The following PIGY variants were observed in gnomAD, a reference collection of about 807,000 sequenced individuals.
The protein encoded by PIGY is phosphatidylinositol N-acetylglucosaminyltransferase subunit Y.
A neutral mutation model predicts 4.1 loss-of-function variants in PIGY; 3 were observed. The ratio of observed to expected loss-of-function variants is 0.73; its 90% CI spans 0.33 to 1.89. The LOEUF (loss-of-function observed/expected upper bound fraction) is 1.89, where lower values mean the gene tolerates loss of function less well. PIGY is among the 40% of genes most tolerant of loss of function. The pLI is 0.08. For synonymous variants in PIGY, 33 were observed against 31.4 expected (o/e 1.05, Z -0.18); for missense variants, 78 against 80.3 (o/e 0.97, Z 0.11).
Position 88,521,982 on chromosome 4 carries a change from G to C in PIGY, c.-193C>G, listed in dbSNP as rs1179904665. On this transcript the variant is annotated 5_prime_UTR_variant, in exon 2 of 2. Transcript: ENST00000527353. Reference sequence around the variant, plus strand: ...AGGGATCCCATCAATGATTGGATAAGCTATTCCCAACTCTTCATTAATCAA... The same window carrying C: ...AGGGATCCCATCAATGATTGGATAACCTATTCCCAACTCTTCATTAATCAA... 12 of 1,550,832 alleles carry C rather than the reference G, an allele frequency of 7.7e-6. No individual in the cohort carries two copies. The highest frequency in any genetic ancestry group is 4.9e-5 in the East Asian group (2 of 40,914).
chr4:88,522,700 T>C (rs1411283541), intron 1 of PIGY, among the ~76,000 whole-genome samples: 1 of 152,210 alleles, frequency 6.6e-6, no homozygotes, highest in Non-Finnish European at 1.5e-5. Context: ...GTTAGTGTTG[T>C]CAATATTCAA....
intron 1 of PIGY, among the ~76,000 whole-genome samples, 182 bp downstream of exon 1, chr4:88,523,316 C>G (rs1368581103): frequency 3.3e-5 from 5 of 152,182 alleles, no homozygotes; most frequent in Non-Finnish European, 7.3e-5. Flanking sequence ...ACGCAGCTCC[C>G]CTGGCCTCCG....
Position 88,523,527 on chromosome 4 carries a change from C to A in PIGY, c.-270G>T. On this transcript the variant is annotated 5_prime_UTR_variant, in exon 1 of 2. Transcript: ENST00000527353. ...GCGGCTTCTTGGAGAGCGGGCACACCAGGAACTCCAGCAGCGCCGGATCGA... is the reference window on the plus strand; with the variant it reads ...GCGGCTTCTTGGAGAGCGGGCACACAAGGAACTCCAGCAGCGCCGGATCGA... 1.3e-6 allele frequency: 2 copies of A among 1,551,288 alleles called. No individual in the cohort carries two copies. Among genetic ancestry groups the A allele is most frequent in the Non-Finnish European group, 1.7e-6 (2 of 1,146,874 alleles).
In PIGY at chr4:88,521,878, A is replaced by C; in HGVS notation, c.-89T>G. ...GCTGTTGCGTTTTTTTAATTTTTTTAAATTATGAACTAGCGCTGCTCCACT... is the reference window on the plus strand; with the variant it reads ...GCTGTTGCGTTTTTTTAATTTTTTTCAATTATGAACTAGCGCTGCTCCACT... On this transcript the variant is annotated 5_prime_UTR_variant, in exon 2 of 2. Coordinates refer to ENST00000527353, the MANE Select transcript of PIGY (RefSeq NM_001042616.3). 6.5e-7 allele frequency: 1 copy of C among 1,540,308 alleles called. No individual in the cohort carries two copies. Among genetic ancestry groups the C allele is most frequent in the Non-Finnish European group, 8.7e-7 (1 of 1,144,110 alleles).
rs1211513688 is a variant in PIGY at position 88,521,645 on chromosome 4, T to C, written c.145A>G (p.Ile49Val). The C allele has an allele frequency of 1.2e-5, 19 of 1,613,880 alleles. No individual in the cohort carries two copies. The highest frequency in any genetic ancestry group is 3.3e-5 in the Admixed American group (2 of 60,008). ...AAGAATACATACACTGGTATGGTAA[T>C]AGGCAAGAGCAGGCTGTAAAAGCAA... ...SLCFYSLLLP[I>V]TIPVYVFFHL... The change falls in exon 2 of 2, where the codon ATT (isoleucine) becomes GTT (valine). Residue 49 changes from isoleucine (I) to valine (V), a missense_variant. Physicochemically the swap from Ile to Val is conservative, Grantham distance 29 (BLOSUM62 3). Transcript: ENST00000527353.
Position 88,521,752 on chromosome 4 carries a change from G to A in PIGY, c.38C>T (p.Pro13Leu), listed in dbSNP as rs1161005660. 6.2e-7 allele frequency: 1 copy of A among 1,613,562 alleles called. No individual in the cohort carries two copies. Reference sequence around the variant, plus strand: ...GAACAGTCCTGCTAAAGAAACCAGTGGAATAAGAACAGTCAACGTAGGAAG... The same window carrying A: ...GAACAGTCCTGCTAAAGAAACCAGTAGAATAAGAACAGTCAACGTAGGAAG... ...LSLPTLTVLIPLVSLAGLFYS... is the reference protein window; with the variant it reads ...LSLPTLTVLILLVSLAGLFYS... Residue 13 changes from proline (P) to leucine (L), a missense_variant, in exon 2 of 2, where the codon CCA becomes CTA. By Grantham distance (98) the Pro-to-Leu change is moderately conservative. Transcript: ENST00000527353.
In PIGY at chr4:88,521,551, A is replaced by G. The variant is rs1316083248; in HGVS notation, c.*23T>C. ...TGCCCAAGAGCTATCATTAATATATACAGCATATTGACTCTAGTTGCATCA... is the reference window on the plus strand; with the variant it reads ...TGCCCAAGAGCTATCATTAATATATGCAGCATATTGACTCTAGTTGCATCA... On this transcript the variant is annotated 3_prime_UTR_variant, in exon 2 of 2. Transcript: ENST00000527353. 1 of 1,557,844 alleles carries G rather than the reference A, an allele frequency of 6.4e-7. No homozygotes were observed.
Position 88,523,499 on chromosome 4 carries a change from T to C in PIGY, c.-242A>G. The stretch of plus-strand genomic sequence containing the variant: ...GAAGGGCCAAGGCCAGCGAGTTACC[T>C]GAGCGGCTTCTTGGAGAGCGGGCAC... On this transcript the variant is annotated splice_region_variant and 5_prime_UTR_variant, in exon 1 of 2. Transcript: ENST00000527353. The C allele has an allele frequency of 6.4e-7, 1 of 1,551,118 alleles. No homozygotes were observed. Among genetic ancestry groups the C allele is most frequent in the Non-Finnish European group, 8.7e-7 (1 of 1,146,830 alleles).
In PIGY at chr4:88,521,578, T is replaced by C; in HGVS notation, c.212A>G (p.Asn71Ser). ...TWMGIKLFRH[N>S] ...AGCATATTGACTCTAGTTGCATCAATTATGCCTGAAGAGTTTAATACCCAT... is the reference window on the plus strand; with the variant it reads ...AGCATATTGACTCTAGTTGCATCAACTATGCCTGAAGAGTTTAATACCCAT... Residue 71 changes from asparagine (N) to serine (S), a missense_variant, in exon 2 of 2, where the codon AAT becomes AGT. Transcript: ENST00000527353. 6.2e-7 allele frequency: 1 copy of C among 1,601,562 alleles called. No homozygotes were observed. The highest frequency in any genetic ancestry group is 8.6e-7 in the Non-Finnish European group (1 of 1,168,520).
chr4:88,521,815 A>C lies in PIGY; in HGVS notation c.-26T>G. 1.3e-6 allele frequency: 2 copies of C among 1,597,570 alleles called. No individual in the cohort carries two copies. The highest frequency in any genetic ancestry group is 1.7e-6 in the Non-Finnish European group (2 of 1,171,232). On this transcript the variant is annotated 5_prime_UTR_variant, in exon 2 of 2. Transcript: ENST00000527353. The stretch of plus-strand genomic sequence containing the variant: ...TCTTCTCTTCCACTTATTACCTGCC[A>C]CTGTGTTTTAAAAGGTATATGGTAT...
intron 1 of PIGY, among the ~76,000 whole-genome samples, chr4:88,522,915 G>C (rs1237754546): frequency 6.6e-6 from 1 of 152,124 alleles, no homozygotes; most frequent in Non-Finnish European, 1.5e-5. Flanking sequence ...CTTAAAAACC[G>C]GAAGGCTTCG....
chr4:88,522,872 T>A (rs1249297956), intron 1 of PIGY, among the ~76,000 whole-genome samples: 1 of 152,226 alleles, frequency 6.6e-6, no homozygotes, highest in East Asian at 1.9e-4. Flanking sequence ...CACAAGAATC[T>A]GGAGGGTACA....
rs752613821 is a variant in PIGY, at chr4:88,523,739, C to A, written c.-482G>T. The A allele has an allele frequency of 4.5e-4, 630 of 1,399,368 alleles. No homozygotes were observed. The highest frequency in any genetic ancestry group is 5.5e-4 in the Non-Finnish European group (598 of 1,083,674). The allele number at this position is 1,399,368 out of a possible 1,614,324, so 86.7% of individuals were successfully genotyped here. On this transcript the variant is annotated 5_prime_UTR_variant, in exon 1 of 2. Coordinates refer to ENST00000527353, the MANE Select transcript of PIGY (RefSeq NM_001042616.3). ...GAGACCAGGCCTCACCGCAGCCTCG[C>A]CACCCGTGGCCGAGCTCCCGGCTTC...
At position 88,523,549 on chromosome 4, in the gene PIGY, T is replaced by C. The variant is rs1478745082; in HGVS notation, c.-292A>G. ...CACCAGGAACTCCAGCAGCGCCGGATCGAAGTCGCGGGGCGGCTCCTCAGT... is the reference window on the plus strand; with the variant it reads ...CACCAGGAACTCCAGCAGCGCCGGACCGAAGTCGCGGGGCGGCTCCTCAGT... On this transcript the variant is annotated 5_prime_UTR_variant, in exon 1 of 2. Coordinates refer to ENST00000527353, the MANE Select transcript of PIGY (RefSeq NM_001042616.3). The C allele has an allele frequency of 1.3e-6, 2 of 1,550,890 alleles. No individual in the cohort carries two copies. The highest frequency in any genetic ancestry group is 1.7e-6 in the Non-Finnish European group (2 of 1,146,868).
At position 88,523,575 on chromosome 4, in the gene PIGY, C is replaced by T. The variant is rs1238508436; in HGVS notation, c.-318G>A. On this transcript the variant is annotated 5_prime_UTR_variant, in exon 1 of 2. Transcript: ENST00000527353. Reference sequence around the variant, plus strand: ...CGAAGTCGCGGGGCGGCTCCTCAGTCTTCTTGCCCCGGTCGGCCAAAGGCC... The same window carrying T: ...CGAAGTCGCGGGGCGGCTCCTCAGTTTTCTTGCCCCGGTCGGCCAAAGGCC... The T allele has an allele frequency of 9.0e-6, 14 of 1,550,432 alleles. No individual in the cohort carries two copies. The highest frequency in any genetic ancestry group is 1.0e-5 in the Non-Finnish European group (12 of 1,146,856).
intron 1 of PIGY, among the ~76,000 whole-genome samples, chr4:88,523,076 G>A (rs1742430818): frequency 6.6e-6 from 1 of 151,800 alleles, no homozygotes; most frequent in African/African-American, 2.4e-5. Flanking sequence ...GGCCAGTCTG[G>A]GCAACGTAGG....
rs1165308890 is a variant in PIGY at position 88,522,049 on chromosome 4, A to G, written c.-240-20T>C. 6.6e-7 allele frequency: 1 copy of G among 1,519,670 alleles called. No homozygotes were observed. Among genetic ancestry groups the G allele is most frequent in the Non-Finnish European group, 8.8e-7 (1 of 1,134,566 alleles). The allele number at this position is 1,519,670 out of a possible 1,614,324, so 94.1% of individuals were successfully genotyped here. On this transcript the variant is annotated intron_variant, in intron 1 of 1. Transcript: ENST00000527353. ...TCATATCTGAGGTGGAAAAAAAAAG[A>G]ACAAAATGAGTTGTGGGAAAATAAA... is the stretch of plus-strand genomic sequence containing the variant.
rs1287950230 is a variant in PIGY, at chr4:88,521,715, A to G, written c.75T>C (p.Ser25=). ...VSLAGLFYSA[S]VEENFPQGCT... Reference sequence around the variant, plus strand: ...AGCCCTGTGGGAAGTTTTCTTCCACAGAGGCTGAGTAGAACAGTCCTGCTA... The same window carrying G: ...AGCCCTGTGGGAAGTTTTCTTCCACGGAGGCTGAGTAGAACAGTCCTGCTA... Residue 25 remains serine (S), a synonymous_variant, in exon 2 of 2, where the codon TCT becomes TCC. Coordinates refer to ENST00000527353, the MANE Select transcript of PIGY (RefSeq NM_001042616.3). 1 of 1,613,996 alleles carries G rather than the reference A, an allele frequency of 6.2e-7. No individual in the cohort carries two copies. The highest frequency in any genetic ancestry group is 2.2e-5 in the East Asian group (1 of 44,884).
chr4:88,522,766 T>C (rs559783351), intron 1 of PIGY, among the ~76,000 whole-genome samples: 1 of 152,292 alleles, frequency 6.6e-6, no homozygotes, highest in East Asian at 1.9e-4. Flanking sequence ...TAAAGAGGCT[T>C]CTACGAAACC....
Sources: allele counts gnomAD v4.1 joint callset (sites outside exome capture counted in the v4.1 genomes callset), GRCh38; gene constraint gnomAD v4.1.1; transcripts MANE v1.5; gene names NCBI Gene and HGNC (gene_info 2026-07-23, HGNC 2026-07-21).